Variants in FAM193A observed in about 807,000 individuals in gnomAD.
FAM193A encodes the protein family with sequence similarity 193 member A.
In FAM193A, 22 loss-of-function variants were observed where a neutral mutation model predicts 126.5. The observed-to-expected ratio is 0.17, with a 90% CI of 0.12 to 0.25. The LOEUF (loss-of-function observed/expected upper bound fraction) is 0.25. Among genes scored for constraint, FAM193A ranks in the 10% least tolerant of loss-of-function variants. The pLI, the probability that FAM193A is intolerant of heterozygous loss-of-function variation, is 1.00. For missense variants in FAM193A, 1,675 were observed against 1,672.8 expected, an observed-to-expected ratio of 1.00 and a Z score of -0.02; for synonymous variants, 761 against 646.8, an observed-to-expected ratio of 1.18 and a Z score of -2.68.
At chr4:2,598,545 G>A (rs1287408787) in intron 2 of FAM193A, among the ~76,000 whole-genome samples, 1 of 152,126 alleles carries the variant, frequency 6.6e-6, no homozygotes, top group African/African-American at 2.4e-5. Flanking sequence ...AGTGGCCTTC[G>A]GGGTCTCATA....
At chr4:2,581,080 G>GACC (rs1739898557) in intron 1 of FAM193A, among the ~76,000 whole-genome samples, 1 of 151,612 alleles carries the variant, frequency 6.6e-6, no homozygotes, top group Non-Finnish European at 1.5e-5. Context: ...AGTGAGCTGA[G>GACC]ATTGCGCCAC....
chr4:2,646,814 C>T lies in FAM193A; in HGVS notation c.1293C>T (p.Asp431=), dbSNP rs771661948. The stretch of plus-strand genomic sequence containing the variant: ...GGCTGGAGTGCCAGAAGAGGATCGA[C>T]GCCTATGTCGACGAGCAGGTGAGTG... ...EEWLECQKRI[D]AYVDEQMTMK... The change falls in exon 7 of 21, where the codon GAC becomes GAT. Residue 431 remains aspartate, a synonymous_variant. Transcript: ENST00000637812. The T allele has an allele frequency of 1.9e-5, 31 of 1,612,568 alleles. No homozygotes were observed. Among genetic ancestry groups the T allele is most frequent in the South Asian group, 1.2e-4 (11 of 90,912 alleles).
intron 2 of FAM193A, among the ~76,000 whole-genome samples, chr4:2,606,243 G>A (rs185064130): frequency 2.0e-5 from 3 of 151,688 alleles, no homozygotes; most frequent in Admixed American, 2.0e-4. Flanking sequence ...TAGAGATGGG[G>A]GTTTCACCAT....
At chr4:2,673,184 TTCTTGTCCAAAGGTAGC>T (rs1714019073) in intron 13 of FAM193A, among the ~76,000 whole-genome samples, 1 of 152,226 alleles carries the variant, frequency 6.6e-6, no homozygotes, top group Admixed American at 6.5e-5. Flanking sequence ...GTACCAGTTA[TTCTTGTCCAAAGGTAGC>T]TCTAATCAGT....
In FAM193A at chr4:2,663,112, C is replaced by T. The variant is rs1712671254; in HGVS notation, c.1903C>T (p.Pro635Ser). The T allele has an allele frequency of 2.5e-6, 4 of 1,612,002 alleles. No homozygotes were observed. The highest frequency in any genetic ancestry group is 3.4e-6 in the Non-Finnish European group (4 of 1,178,968). ...GENMALKDES[P>S]QISSTSSSSS... ...TTACAAAAGATTGTCTTTAAAGTCT[C>T]CTCAGATAAGCAGTACCAGCAGTAG... The change falls in exon 12 of 21, where the codon CCT becomes TCT. Residue 635 changes from proline to serine, a missense_variant. Pro to Ser is a moderately conservative substitution (Grantham distance 74, BLOSUM62 -1). Coordinates refer to ENST00000637812, the MANE Select transcript of FAM193A (RefSeq NM_001366318.2).
At chr4:2,610,598 A>C (rs1048497940) in intron 2 of FAM193A, among the ~76,000 whole-genome samples, 11 of 152,346 alleles carry the variant, frequency 7.2e-5, no homozygotes, top group African/African-American at 2.4e-4. Flanking sequence ...TGCATGTAGC[A>C]ATAGTTAATT....
At chr4:2,680,857 G>A (rs1715027626) in intron 13 of FAM193A, among the ~76,000 whole-genome samples, 1 of 151,876 alleles carries the variant, frequency 6.6e-6, no homozygotes, top group South Asian at 2.1e-4. Context: ...GGTCAGGCTG[G>A]TCTCGAACCC....
intron 7 of FAM193A, among the ~76,000 whole-genome samples, chr4:2,654,267 C>T (rs147513456): frequency 6.4e-4 from 97 of 151,624 alleles, no homozygotes; most frequent in Non-Finnish European, 1.0e-3. Flanking sequence ...CTCAACTAGG[C>T]GGTGGTGTCA....
rs183876786 is a variant in FAM193A at position 2,611,466 on chromosome 4, G to A, written c.502-13796G>A. On this transcript the variant is annotated intron_variant, in intron 2 of 20. Transcript: ENST00000637812. ...TTTTTGTATTTTTAGTGGAAACGGG[G>A]TTTCACCATGTTGGTCAGTCTGGTC... 2.3e-3 allele frequency among the ~76,000 whole-genome samples: 350 copies of A among 151,764 alleles called. 2 individuals are homozygous for A. The highest frequency in any genetic ancestry group is 8.3e-3 in the African/African-American group (342 of 41,372).
chr4:2,688,732 C>T (rs567976399), intron 13 of FAM193A, among the ~76,000 whole-genome samples: 1 of 152,252 alleles, frequency 6.6e-6, no homozygotes, highest in African/African-American at 2.4e-5. Flanking sequence ...AATGTGCAGG[C>T]TGTTGCACTG....
At chr4:2,667,245 A>G (rs1713224206) in intron 12 of FAM193A, among the ~76,000 whole-genome samples, 1 of 152,254 alleles carries the variant, frequency 6.6e-6, no homozygotes, top group Non-Finnish European at 1.5e-5. Context: ...ATGTAAGGAC[A>G]GTAACCCCAT....
At chr4:2,546,161 T>A (rs946487023) in intron 1 of FAM193A, among the ~76,000 whole-genome samples, 2 of 123,948 alleles carry the variant, frequency 1.6e-5, no homozygotes, top group African/African-American at 8.8e-5. Flanking sequence ...AAAAAAAAAT[T>A]TTTTTTTTTT....
chr4:2,550,450 T>C (rs1737844512), intron 1 of FAM193A, among the ~76,000 whole-genome samples: 1 of 152,064 alleles, frequency 6.6e-6, no homozygotes, highest in Non-Finnish European at 1.5e-5. Context: ...GTTTGTTTAT[T>C]TTTGAGGCAG....
At chr4:2,600,342 C>T (rs1461066114) in intron 2 of FAM193A, among the ~76,000 whole-genome samples, 1 of 152,192 alleles carries the variant, frequency 6.6e-6, no homozygotes, top group African/African-American at 2.4e-5. Context: ...CAGGCAAAGG[C>T]CCTGAACTTT....
intron 19 of FAM193A, among the ~76,000 whole-genome samples, chr4:2,706,802 C>T (rs985732185): frequency 6.6e-6 from 1 of 151,454 alleles, no homozygotes; most frequent in African/African-American, 2.4e-5. Context: ...TCTATATGAA[C>T]TTTAGCATCA....
At chr4:2,606,169 A>G (rs1045769613) in intron 2 of FAM193A, among the ~76,000 whole-genome samples, 9 of 143,710 alleles carry the variant, frequency 6.3e-5, no homozygotes, top group South Asian at 2.2e-4. Flanking sequence ...TCCTGCCTCA[A>G]CCTCCCATGT....
At chr4:2,719,153 GGTTTA>G (rs1719847018) in intron 20 of FAM193A, among the ~76,000 whole-genome samples, 1 of 152,004 alleles carries the variant, frequency 6.6e-6, no homozygotes, top group Non-Finnish European at 1.5e-5. Context: ...AAAAATCACA[GGTTTA>G]TCTCACTCAT....
intron 6 of FAM193A, 83 bp downstream of exon 6, chr4:2,639,942 C>A: frequency 7.5e-7 from 1 of 1,338,298 alleles, no homozygotes; most frequent in Non-Finnish European, 1.0e-6. Context: ...ACCCGAGTAC[C>A]ACTGAGTATG....
intron 1 of FAM193A, among the ~76,000 whole-genome samples, chr4:2,578,119 C>T (rs560943633): frequency 6.6e-6 from 1 of 152,230 alleles, no homozygotes; most frequent in South Asian, 2.1e-4. Flanking sequence ...TGCTCTATCA[C>T]CCAGTGATGC....
Sources: allele counts gnomAD v4.1 joint callset (sites outside exome capture counted in the v4.1 genomes callset), GRCh38; gene constraint gnomAD v4.1.1; transcripts MANE v1.5; gene names NCBI Gene and HGNC (gene_info 2026-07-23, HGNC 2026-07-21).